GRXCR1: variants seen among roughly 807,000 people sequenced by gnomAD.
The protein encoded by GRXCR1 is glutaredoxin and cysteine rich domain containing 1.
Under a neutral mutation model 27.3 loss-of-function variants are expected in GRXCR1, and 27 were observed. That is an observed-to-expected ratio of 0.99 (90% CI 0.73 to 1.37). GRXCR1 has a LOEUF of 1.37. GRXCR1 is among the 40% of genes most tolerant of loss of function. The pLI is 0.00. For synonymous variants in GRXCR1, 122 were observed against 131.1 expected (o/e 0.93, Z 0.47); for missense variants, 379 against 354.4 (o/e 1.07, Z -0.56).
At chr4:42,978,896 G>C (rs1299892196) in intron 2 of GRXCR1, among the ~76,000 whole-genome samples, 1 of 151,964 alleles carries the variant, frequency 6.6e-6, no homozygotes, top group Non-Finnish European at 1.5e-5. Flanking sequence ...CTGTTTTTGT[G>C]ATAGTGAGTG....
At chr4:42,931,110 C>A (rs561877692) in intron 1 of GRXCR1, among the ~76,000 whole-genome samples, 9 of 151,938 alleles carry the variant, frequency 5.9e-5, no homozygotes, top group African/African-American at 1.9e-4. Context: ...ATAAATACTC[C>A]TTCTCTCTTC....
At chr4:42,997,040 G>A (rs1412896477) in intron 2 of GRXCR1, among the ~76,000 whole-genome samples, 1 of 151,798 alleles carries the variant, frequency 6.6e-6, no homozygotes, top group African/African-American at 2.4e-5. Context: ...TGTTTAGTTG[G>A]TAGCCATTTT....
chr4:42,927,766 G>A (rs1190241133), intron 1 of GRXCR1, among the ~76,000 whole-genome samples: 1 of 151,936 alleles, frequency 6.6e-6, no homozygotes, highest in Non-Finnish European at 1.5e-5. Context: ...AAATAGAGTA[G>A]AAATATGGGA....
intron 2 of GRXCR1, among the ~76,000 whole-genome samples, chr4:43,018,549 G>A (rs969638020): frequency 1.3e-5 from 2 of 152,232 alleles, no homozygotes; most frequent in African/African-American, 2.4e-5. Flanking sequence ...TGGCATATGC[G>A]TTGTACTCTA....
chr4:43,000,578 GA>G (rs1210917831), intron 2 of GRXCR1, among the ~76,000 whole-genome samples: 1 of 151,660 alleles, frequency 6.6e-6, no homozygotes, highest in Non-Finnish European at 1.5e-5. Flanking sequence ...TGAAGTGCAA[GA>G]GTTGTGATGC....
At chr4:42,988,639 A>C (rs189098362) in intron 2 of GRXCR1, among the ~76,000 whole-genome samples, 41 of 152,270 alleles carry the variant, frequency 2.7e-4, no homozygotes, top group African/African-American at 9.9e-4. Context: ...TTTATTATTA[A>C]ATAATTTAGT....
chr4:42,902,988 G>A (rs1479764284), intron 1 of GRXCR1, among the ~76,000 whole-genome samples: 1 of 152,104 alleles, frequency 6.6e-6, no homozygotes, highest in Non-Finnish European at 1.5e-5. Flanking sequence ...AGAGAAGCGT[G>A]TAGCTTGTTG....
chr4:42,949,994 A>G (rs1747844436), intron 1 of GRXCR1, among the ~76,000 whole-genome samples: 1 of 152,226 alleles, frequency 6.6e-6, no homozygotes, highest in African/African-American at 2.4e-5. Flanking sequence ...CCCGTAAAGT[A>G]GATTCTTACA....
In GRXCR1 at chr4:42,930,850, A is replaced by G. The variant is rs535252333; in HGVS notation, c.385-32042A>G. Reference sequence around the variant, plus strand: ...TTAATTCCTTCCTTCCCATTCTTCTATTTCTTTTCTTTTGCTGTGACAATA... The same window carrying G: ...TTAATTCCTTCCTTCCCATTCTTCTGTTTCTTTTCTTTTGCTGTGACAATA... On this transcript the variant is annotated intron_variant, in intron 1 of 3. Transcript: ENST00000399770. 2.0e-5 allele frequency among the ~76,000 whole-genome samples: 3 copies of G among 152,066 alleles called. No homozygotes were observed. The South Asian group carries it at 6.2e-4, about 32-fold the overall frequency.
chr4:42,990,693 T>C (rs976473757), intron 2 of GRXCR1, among the ~76,000 whole-genome samples: 1 of 152,072 alleles, frequency 6.6e-6, no homozygotes, highest in African/African-American at 2.4e-5. Context: ...CTACTTTTAT[T>C]GCATTGTCAT....
At chr4:42,994,247 G>A in intron 2 of GRXCR1, among the ~76,000 whole-genome samples, 1 of 152,138 alleles carries the variant, frequency 6.6e-6, no homozygotes, top group African/African-American at 2.4e-5. Context: ...AAGGACAAGG[G>A]AGGTCTTAGG....
intron 3 of GRXCR1, among the ~76,000 whole-genome samples, chr4:43,021,034 C>T (rs1387264856): frequency 1.3e-5 from 2 of 152,052 alleles, no homozygotes; most frequent in East Asian, 3.9e-4. Flanking sequence ...AAAAAGTATG[C>T]GTTAGTAATT....
intron 2 of GRXCR1, among the ~76,000 whole-genome samples, chr4:43,018,396 G>T (rs909635349): frequency 3.9e-5 from 6 of 152,200 alleles, no homozygotes; most frequent in Admixed American, 2.0e-4. Flanking sequence ...CAGGTGTCTT[G>T]AAAATCAGTG....
intron 2 of GRXCR1, among the ~76,000 whole-genome samples, chr4:42,970,890 C>T: frequency 6.6e-6 from 1 of 152,152 alleles, no homozygotes; most frequent in East Asian, 1.9e-4. Context: ...AATTGTTATG[C>T]TCTTCTTCCC....
At chr4:42,905,089 C>T (rs192951606) in intron 1 of GRXCR1, among the ~76,000 whole-genome samples, 2 of 152,332 alleles carry the variant, frequency 1.3e-5, no homozygotes, top group East Asian at 3.9e-4. Flanking sequence ...TCCGACCCTG[C>T]CACACAAACC....
chr4:42,928,454 T>A (rs1747222523), intron 1 of GRXCR1, among the ~76,000 whole-genome samples: 2 of 151,970 alleles, frequency 1.3e-5, no homozygotes, highest in African/African-American at 4.8e-5. Flanking sequence ...CAGAGTAAGG[T>A]CCTGTTGGCA....
At chr4:42,905,758 G>A (rs979359053) in intron 1 of GRXCR1, among the ~76,000 whole-genome samples, 4 of 152,106 alleles carry the variant, frequency 2.6e-5, no homozygotes, top group African/African-American at 4.8e-5. Flanking sequence ...GAAAATTACC[G>A]ATGCATTCTG....
rs564211936 is a variant in GRXCR1, at chr4:42,956,102, C to A, written c.385-6790C>A. On this transcript the variant is annotated intron_variant, in intron 1 of 3. Coordinates refer to ENST00000399770, the MANE Select transcript of GRXCR1 (RefSeq NM_001080476.3). Reference sequence around the variant, plus strand: ...GACATAGGTTAGCTATTTGGTAACTCCTTAGTCTGATTTGCAGTAATTTCC... The same window carrying A: ...GACATAGGTTAGCTATTTGGTAACTACTTAGTCTGATTTGCAGTAATTTCC... Among the ~76,000 whole-genome samples the A allele has an allele frequency of 7.2e-5, 11 of 152,150 alleles. 1 individual carries two copies. In the South Asian group the frequency reaches 2.1e-3, roughly 29 times the overall value.
chr4:42,901,612 G>A (rs1182157365), intron 1 of GRXCR1, among the ~76,000 whole-genome samples: 1 of 152,164 alleles, frequency 6.6e-6, no homozygotes, highest in African/African-American at 2.4e-5. Context: ...TCTGCAAAGT[G>A]CCTTTTGCTG....
Sources: allele counts gnomAD v4.1 joint callset (sites outside exome capture counted in the v4.1 genomes callset), GRCh38; gene constraint gnomAD v4.1.1; transcripts MANE v1.5; gene names NCBI Gene and HGNC (gene_info 2026-07-23, HGNC 2026-07-21).